Variants in GFRA1 observed in about 807,000 individuals in gnomAD.
The protein encoded by GFRA1 is GDNF family receptor alpha-1.
GFRA1 carries 16 observed loss-of-function variants against 51.6 expected under a neutral mutation model. The ratio of observed to expected loss-of-function variants is 0.31; its 90% CI spans 0.21 to 0.47. The LOEUF (loss-of-function observed/expected upper bound fraction) is 0.47, where lower values mean the gene tolerates loss of function less well. Among genes scored for constraint, GFRA1 ranks in the 20% least tolerant of loss-of-function variants. The pLI, the probability that GFRA1 is intolerant of heterozygous loss-of-function variation, is 1.00. For synonymous variants in GFRA1, 270 were observed against 241.3 expected, an observed-to-expected ratio of 1.12 and a Z score of -1.10; for missense variants, 530 against 594.3, an observed-to-expected ratio of 0.89 and a Z score of 1.13.
intron 9 of GFRA1, among the ~76,000 whole-genome samples, chr10:116,075,053 C>G (rs1235838839): frequency 6.6e-6 from 1 of 152,162 alleles, no homozygotes; most frequent in East Asian, 1.9e-4. Context: ...TTGGGTTAAG[C>G]AATTGTCCAA....
intron 2 of GFRA1, 149 bp from the exon 3 acceptor site, chr10:116,271,264 C>A (rs951623933): frequency 9.8e-6 from 6 of 613,508 alleles, no homozygotes; most frequent in African/African-American, 5.6e-5. Flanking sequence ...CTCGACCATC[C>A]GGGAGTCCAT....
intron 9 of GFRA1, among the ~76,000 whole-genome samples, chr10:116,087,538 C>T (rs1246267180): frequency 2.0e-5 from 3 of 152,206 alleles, no homozygotes; most frequent in Non-Finnish European, 4.4e-5. Flanking sequence ...GAACACTGAA[C>T]GCTGCCTCTG....
chr10:116,175,894 C>G (rs1024842046), intron 5 of GFRA1, among the ~76,000 whole-genome samples: 7 of 152,092 alleles, frequency 4.6e-5, no homozygotes, highest in African/African-American at 1.4e-4. Context: ...AGTCGAAAAG[C>G]AGGCCCACAT....
At position 116,092,257 on chromosome 10, in the gene GFRA1, C is replaced by T. The variant is rs534267467; in HGVS notation, c.1015+1445G>A. Among the ~76,000 whole-genome samples, 4 of 152,058 alleles carry T rather than the reference C, an allele frequency of 2.6e-5. No homozygotes were observed. In the South Asian group the frequency reaches 8.3e-4, roughly 32 times the overall value. ...GTGGGTGTGAATTTCACTTAAGAAT[C>T]CAAAAGCTTGTTTTATTTTTAAGAG... is the stretch of plus-strand genomic sequence containing the variant. On this transcript the variant is annotated intron_variant, in intron 8 of 10. Transcript: ENST00000355422.
At chr10:116,114,044 A>C (rs1957315414) in intron 6 of GFRA1, among the ~76,000 whole-genome samples, 2 of 152,178 alleles carry the variant, frequency 1.3e-5, no homozygotes, top group African/African-American at 4.8e-5. Context: ...CCTAAGGGGA[A>C]GATGGGGTGA....
chr10:116,240,583 G>A (rs1331532268), intron 4 of GFRA1, among the ~76,000 whole-genome samples: 2 of 152,276 alleles, frequency 1.3e-5, no homozygotes, highest in East Asian at 1.9e-4. Context: ...TGAAACGAAG[G>A]CCCTTAAATA....
chr10:116,181,361 C>T lies in GFRA1; in HGVS notation c.433+30270G>A, dbSNP rs1219725276. Among the ~76,000 whole-genome samples, 3 of 152,278 alleles carry T rather than the reference C, an allele frequency of 2.0e-5. 1 individual carries two copies. The highest frequency in any genetic ancestry group is 1.3e-4 in the Admixed American group (2 of 15,302). On this transcript the variant is annotated intron_variant, in intron 5 of 10. Coordinates refer to ENST00000355422, the MANE Select transcript of GFRA1 (RefSeq NM_005264.8). ...TGAAAAAGATGCACCCACAGGACCA[C>T]GAAGGCCAGACTCTTACAGACACAA...
chr10:116,078,447 G>T (rs542287214), intron 9 of GFRA1, among the ~76,000 whole-genome samples: 8 of 152,238 alleles, frequency 5.3e-5, no homozygotes, highest in African/African-American at 1.7e-4. Context: ...GGGAGAAGCA[G>T]GTTCACCACA....
intron 7 of GFRA1, among the ~76,000 whole-genome samples, chr10:116,095,253 C>A (rs541454129): frequency 6.6e-6 from 1 of 152,180 alleles, no homozygotes; most frequent in Non-Finnish European, 1.5e-5. Flanking sequence ...GTTTGTGAAC[C>A]AAATACTTGC....
intron 4 of GFRA1, chr10:116,255,715 T>C: frequency 7.8e-7 from 1 of 1,289,160 alleles, no homozygotes. Flanking sequence ...CTAGTTCTCT[T>C]CCTCTCTCCT....
intron 6 of GFRA1, among the ~76,000 whole-genome samples, chr10:116,119,091 G>A (rs538196242): frequency 1.3e-4 from 20 of 152,292 alleles, no homozygotes; most frequent in South Asian, 6.2e-4. Context: ...GAGCTCTGCT[G>A]CTGCTGAGTG....
intron 5 of GFRA1, among the ~76,000 whole-genome samples, chr10:116,195,845 T>G (rs1454035960): frequency 1.3e-5 from 2 of 152,232 alleles, no homozygotes; most frequent in African/African-American, 4.8e-5. Flanking sequence ...AATCTGAGTT[T>G]GAATCTTGAC....
At chr10:116,219,687 G>A (rs1048258142) in intron 4 of GFRA1, among the ~76,000 whole-genome samples, 3 of 152,156 alleles carry the variant, frequency 2.0e-5, no homozygotes, top group African/African-American at 7.2e-5. Context: ...ATTAATTGGA[G>A]TATTAATTAG....
At chr10:116,109,506 C>T (rs762639081) in intron 6 of GFRA1, among the ~76,000 whole-genome samples, 27 of 152,208 alleles carry the variant, frequency 1.8e-4, no homozygotes, top group East Asian at 7.7e-4. Context: ...TGCAGTCCTG[C>T]GACACAGCTA....
chr10:116,234,023 T>C (rs979319624), intron 4 of GFRA1, among the ~76,000 whole-genome samples: 1 of 152,240 alleles, frequency 6.6e-6, no homozygotes, highest in Non-Finnish European at 1.5e-5. Flanking sequence ...CTGGGTTGAA[T>C]GAGCATTTCA....
intron 4 of GFRA1, among the ~76,000 whole-genome samples, chr10:116,240,398 A>T (rs903858991): frequency 1.3e-5 from 2 of 152,158 alleles, no homozygotes; most frequent in African/African-American, 4.8e-5. Flanking sequence ...ATTAAGACCA[A>T]ATACTTGGCA....
chr10:116,127,219 G>A (rs1262501322), intron 5 of GFRA1, among the ~76,000 whole-genome samples: 1 of 152,058 alleles, frequency 6.6e-6, no homozygotes, highest in Non-Finnish European at 1.5e-5. Flanking sequence ...ATATTCTATT[G>A]TACACTTAAA....
intron 4 of GFRA1, among the ~76,000 whole-genome samples, chr10:116,245,394 A>G (rs1967781517): frequency 6.6e-6 from 1 of 152,220 alleles, no homozygotes; most frequent in African/African-American, 2.4e-5. Flanking sequence ...CTACACACCT[A>G]TTAGAATGGC....
chr10:116,248,347 T>A (rs1397080960), intron 4 of GFRA1, among the ~76,000 whole-genome samples: 1 of 152,074 alleles, frequency 6.6e-6, no homozygotes, highest in African/African-American at 2.4e-5. Context: ...CTCAATGCAA[T>A]CAGGCGGGAA....
Sources: gnomAD v4.1 joint callset for allele counts (sites outside exome capture counted in the v4.1 genomes callset) on GRCh38, gnomAD v4.1.1 for gene constraint, MANE v1.5 for transcripts, NCBI Gene and HGNC (gene_info 2026-07-23, HGNC 2026-07-21) for gene names.